The following MTERF4 variants were observed in gnomAD, a reference collection of about 807,000 sequenced individuals.
MTERF4 encodes transcription termination factor 4, mitochondrial.
A neutral mutation model predicts 22.5 loss-of-function variants in MTERF4; 17 were observed. The ratio of observed to expected loss-of-function variants is 0.75; its 90% CI spans 0.52 to 1.13. MTERF4 has a LOEUF of 1.13. Ranked by LOEUF, MTERF4 falls within the 50% of genes most tolerant of loss-of-function variation. The pLI is 0.00. For synonymous variants in MTERF4, 165 were observed against 175.3 expected, an observed-to-expected ratio of 0.94 and a Z score of 0.47; for missense variants, 420 against 466.8, an observed-to-expected ratio of 0.90 and a Z score of 0.92.
intron 1 of MTERF4, chr2:241,101,255 G>C (rs1184776660): frequency 2.2e-6 from 1 of 453,224 alleles, no homozygotes; most frequent in Non-Finnish European, 4.7e-6. Flanking sequence ...CAGATCATCG[G>C]GCATCAGATT....
chr2:241,089,250 T>C, downstream of MTERF4: 2 of 1,514,726 alleles, frequency 1.3e-6, no homozygotes, highest in Non-Finnish European at 8.9e-7. Context: ...TAGGACAGCT[T>C]TGCTCTTCCT....
chr2:241,089,494 G>A (rs2063769406), downstream of MTERF4: 6 of 1,471,038 alleles, frequency 4.1e-6, no homozygotes, highest in Non-Finnish European at 5.5e-6. Flanking sequence ...AAAGGTCTGG[G>A]CCGGAGCTCC....
chr2:241,057,157 T>C, the MTERF4 span, among the ~76,000 whole-genome samples: 1 of 151,258 alleles, frequency 6.6e-6, no homozygotes, highest in East Asian at 2.0e-4. Context: ...GGTGGGAGGA[T>C]CACCTGAGGT....
At chr2:241,058,015 G>T in the MTERF4 span, among the ~76,000 whole-genome samples, 1 of 152,166 alleles carries the variant, frequency 6.6e-6, no homozygotes, top group African/African-American at 2.4e-5. Context: ...CTCTCCAGGT[G>T]AGAGATTGCC....
chr2:241,096,646 G>C lies in MTERF4; in HGVS notation c.706-208C>G. 1.4e-6 allele frequency: 1 copy of C among 707,098 alleles called. No individual in the cohort carries two copies. The highest frequency in any genetic ancestry group is 2.6e-6 in the Non-Finnish European group (1 of 381,482). 43.8% of individuals were successfully genotyped at this position (707,098 alleles called of 1,614,324 possible). A position where few individuals can be genotyped will look rare whatever the true frequency, so the allele number is the denominator to read the frequency against. ...AATTCATCCTGAGAAACATGGAGCAGGAAATAAAGGGGTGGGAGGGAAAAG... is the reference window on the plus strand; with the variant it reads ...AATTCATCCTGAGAAACATGGAGCACGAAATAAAGGGGTGGGAGGGAAAAG... On this transcript the variant is annotated intron_variant, in intron 3 of 3. Transcript: ENST00000391980. The surrounding 1 kb of genome is among the most constrained non-coding windows in gnomAD (Gnocchi z 5.1).
downstream of MTERF4, chr2:241,094,302 C>T (rs983338420): frequency 3.2e-5 from 15 of 469,600 alleles, no homozygotes; most frequent in East Asian, 6.9e-5. The surrounding 1 kb of genome is among the most constrained non-coding windows in gnomAD (Gnocchi z 4.3). Flanking sequence ...TTAGCAGGAA[C>T]TCCTTCCACT....
downstream of MTERF4, among the ~76,000 whole-genome samples, chr2:241,069,362 C>T (rs2062601312): frequency 6.6e-6 from 1 of 152,208 alleles, no homozygotes; most frequent in South Asian, 2.1e-4. The surrounding 1 kb of genome is among the most constrained non-coding windows in gnomAD (Gnocchi z 4.9). Flanking sequence ...GCAACCAGCC[C>T]CCTCTAGCTA....
At chr2:241,055,633 C>T in the MTERF4 span, among the ~76,000 whole-genome samples, 3 of 152,182 alleles carry the variant, frequency 2.0e-5, no homozygotes, top group African/African-American at 7.2e-5. Flanking sequence ...CTTTCATCCT[C>T]CAGCCAAATT....
downstream of MTERF4, among the ~76,000 whole-genome samples, chr2:241,070,861 G>C (rs1308733934): frequency 6.6e-6 from 1 of 152,212 alleles, no homozygotes; most frequent in African/African-American, 2.4e-5. Context: ...AGGCCACGGC[G>C]GGACAGAGCA....
At position 241,073,430 on chromosome 2, in the gene MTERF4, C is replaced by A; in HGVS notation, n.2732G>T. 7.4e-7 allele frequency: 1 copy of A among 1,355,326 alleles called. No individual in the cohort carries two copies. The highest frequency in any genetic ancestry group is 1.0e-6 in the Non-Finnish European group (1 of 968,838). The allele number at this position is 1,355,326 out of a possible 1,614,324, so 84.0% of individuals were successfully genotyped here. A position where few individuals can be genotyped will look rare whatever the true frequency, so the allele number is the denominator to read the frequency against. The stretch of plus-strand genomic sequence containing the variant: ...CTGCTCTCAGGGGCCTTAGAGGCTG[C>A]AGGCAGGAGGGACCACCCACGGTGA... On this transcript the variant is annotated non_coding_transcript_exon_variant, in exon 5 of 5. Transcript: ENST00000464344. This position sits in a 1 kb window ranked among gnomAD's most constrained non-coding sequence, Gnocchi z 6.6.
chr2:241,072,057 A>T (rs749346851), downstream of MTERF4: 1 of 709,756 alleles, frequency 1.4e-6, no homozygotes, highest in Non-Finnish European at 2.5e-6. Flanking sequence ...GGCAGCATGC[A>T]CCTCCATGGC....
At chr2:241,048,161 T>A in the MTERF4 span, among the ~76,000 whole-genome samples, 2 of 152,268 alleles carry the variant, frequency 1.3e-5, no homozygotes, top group African/African-American at 4.8e-5. Flanking sequence ...GCAGCGCAGC[T>A]ACAAATCCAT....
At chr2:241,056,580 ATTT>A in the MTERF4 span, among the ~76,000 whole-genome samples, 2 of 111,214 alleles carry the variant, frequency 1.8e-5, no homozygotes, top group African/African-American at 3.9e-5. Flanking sequence ...AATAAGTGAA[ATTT>A]TTTTTTTTTT....
At chr2:241,065,242 C>A in the MTERF4 span, 2 of 1,578,182 alleles carry the variant, frequency 1.3e-6, no homozygotes, top group Non-Finnish European at 8.6e-7. Flanking sequence ...GGGAGCCAGG[C>A]ATGCATAGCT....
chr2:241,049,985 G>A, the MTERF4 span: 4 of 1,327,862 alleles, frequency 3.0e-6, no homozygotes, highest in South Asian at 1.2e-5. Flanking sequence ...GAGAGCGCCC[G>A]CGGTCCGCCG....
chr2:241,053,242 G>T, the MTERF4 span: 1 of 1,608,490 alleles, frequency 6.2e-7, no homozygotes. Context: ...GTATGCATGT[G>T]ACCGTGGCTA....
the MTERF4 span, among the ~76,000 whole-genome samples, chr2:241,060,176 A>G: frequency 6.6e-6 from 1 of 151,650 alleles, no homozygotes; most frequent in Non-Finnish European, 1.5e-5. Context: ...TGTAAAAGCT[A>G]AAACTATAAA....
chr2:241,069,284 A>T (rs1457482505), downstream of MTERF4, among the ~76,000 whole-genome samples: 1 of 152,134 alleles, frequency 6.6e-6, no homozygotes, highest in Non-Finnish European at 1.5e-5. The surrounding 1 kb of genome is among the most constrained non-coding windows in gnomAD (Gnocchi z 4.9). Context: ...CCTACTGGAC[A>T]CCGACCAGAG....
At chr2:241,089,773 G>A (rs984109907), downstream of MTERF4, among the ~76,000 whole-genome samples, 4 of 152,244 alleles carry the variant, frequency 2.6e-5, no homozygotes, top group African/African-American at 9.6e-5. Flanking sequence ...TCATCTGGGC[G>A]AACATCATAG....
Sources: gnomAD v4.1 joint callset for allele counts (sites outside exome capture counted in the v4.1 genomes callset) on GRCh38, gnomAD v4.1.1 for gene constraint, Gnocchi (gnomAD v3.1) non-coding constraint, MANE v1.5 for transcripts, NCBI Gene and HGNC (gene_info 2026-07-23, HGNC 2026-07-21) for gene names.